GRIK2: variants seen among roughly 807,000 people sequenced by gnomAD.
GRIK2 encodes the protein glutamate receptor ionotropic, kainate 2.
A neutral mutation model predicts 100.3 loss-of-function variants in GRIK2; 32 were observed. The observed-to-expected ratio is 0.32, with a 90% CI of 0.24 to 0.43. The LOEUF is 0.43. Ranked by LOEUF, GRIK2 falls within the 20% of genes least tolerant of loss-of-function variation. The pLI is 1.00. For synonymous variants in GRIK2, 417 were observed against 389.4 expected (o/e 1.07, Z -0.83); for missense variants, 843 against 1,114.9 (o/e 0.76, Z 3.47).
intron 10 of GRIK2, among the ~76,000 whole-genome samples, chr6:101,852,217 A>C (rs958806213): frequency 6.6e-6 from 1 of 152,146 alleles, no homozygotes; most frequent in African/African-American, 2.4e-5. Context: ...GTATTTGAAA[A>C]TCATAACCTA....
chr6:101,835,464 C>CTTTTTTTTTTT (rs764148146), intron 10 of GRIK2, among the ~76,000 whole-genome samples: 1 of 89,020 alleles, frequency 1.1e-5, no homozygotes, highest in Admixed American at 1.4e-4. Context: ...CTATGAGTTC[C>CTTTTTTTTTTT]TTTTTTTTTT....
At chr6:101,612,134 A>G (rs1779706486) in intron 2 of GRIK2, among the ~76,000 whole-genome samples, 1 of 151,858 alleles carries the variant, frequency 6.6e-6, no homozygotes, top group South Asian at 2.1e-4. Context: ...TCACTTGCCA[A>G]CTGTGTAACT....
rs1582598635 is a variant in GRIK2, at chr6:101,949,715, T to C, written c.2085+21083T>C. Among the ~76,000 whole-genome samples, 4 of 152,346 alleles carry C rather than the reference T, an allele frequency of 2.6e-5. 1 individual carries two copies. Among genetic ancestry groups the C allele is most frequent in the Admixed American group, 2.6e-4 (4 of 15,294 alleles). ...TTTTTTATGGCTGCATAGTATTTCA[T>C]GGTGTATATGTGCCACATTTTCTTT... On this transcript the variant is annotated intron_variant, in intron 14 of 16. Transcript: ENST00000369134.
In GRIK2 at chr6:101,646,179, T is replaced by C. The variant is rs1047806896; in HGVS notation, c.541+19542T>C. Among the ~76,000 whole-genome samples the C allele has an allele frequency of 3.9e-5, 6 of 152,046 alleles. No homozygotes were observed. In the East Asian group the frequency reaches 1.2e-3, roughly 29 times the overall value. On this transcript the variant is annotated intron_variant, in intron 4 of 16. Coordinates refer to ENST00000369134, the MANE Select transcript of GRIK2 (RefSeq NM_021956.5). ...CTCACCTCCTGGATCAGGGCATGGC[T>C]TGTAGTAGATGCTTAATGCACATTT...
intron 7 of GRIK2, among the ~76,000 whole-genome samples, chr6:101,700,371 G>A (rs115782760): frequency 0.022 from 3,394 of 151,994 alleles, 116 homozygotes; most frequent in African/African-American, 0.076. Context: ...TGAATCTCAA[G>A]TATAAATATA....
chr6:101,680,687 G>A (rs980048247), intron 5 of GRIK2, among the ~76,000 whole-genome samples: 4 of 152,036 alleles, frequency 2.6e-5, no homozygotes, highest in Non-Finnish European at 5.9e-5. Flanking sequence ...AGTTGATAAA[G>A]TAAAAAAAAT....
intron 7 of GRIK2, among the ~76,000 whole-genome samples, chr6:101,779,028 A>C (rs1008701306): frequency 6.6e-6 from 1 of 152,124 alleles, no homozygotes; most frequent in Non-Finnish European, 1.5e-5. Context: ...TTATATATAT[A>C]AGATCAAAAT....
chr6:101,777,500 T>G (rs1274108497), intron 7 of GRIK2, among the ~76,000 whole-genome samples: 3 of 152,176 alleles, frequency 2.0e-5, no homozygotes, highest in African/African-American at 7.2e-5. Context: ...TTCCTGAAAC[T>G]ATCTGATTTT....
intron 2 of GRIK2, among the ~76,000 whole-genome samples, chr6:101,561,161 G>C (rs896874702): frequency 6.6e-6 from 1 of 152,264 alleles, no homozygotes; most frequent in Non-Finnish European, 1.5e-5. Context: ...GAAGCTATGT[G>C]TTTGATGTTT....
intron 7 of GRIK2, among the ~76,000 whole-genome samples, chr6:101,746,958 A>G (rs1341622113): frequency 1.3e-5 from 2 of 152,176 alleles, no homozygotes; most frequent in African/African-American, 2.4e-5. Context: ...TGTCATATCT[A>G]TTATATTTTT....
chr6:101,970,320 C>A (rs1326667511), intron 14 of GRIK2, among the ~76,000 whole-genome samples: 1 of 151,534 alleles, frequency 6.6e-6, no homozygotes, highest in Non-Finnish European at 1.5e-5. Flanking sequence ...CAGGATGGTT[C>A]TTGCCATCAC....
At chr6:101,536,196 T>C (rs1175889915) in intron 2 of GRIK2, among the ~76,000 whole-genome samples, 2 of 151,756 alleles carry the variant, frequency 1.3e-5, no homozygotes, top group Admixed American at 6.6e-5. Context: ...ATAAAAAGCG[T>C]TCAGGGATGA....
chr6:101,479,203 C>A (rs952604152), intron 2 of GRIK2, among the ~76,000 whole-genome samples: 1 of 152,156 alleles, frequency 6.6e-6, no homozygotes, highest in Non-Finnish European at 1.5e-5. Context: ...ATTTCTTTGA[C>A]GTAATTTTTC....
chr6:101,516,010 G>T (rs570049067), intron 2 of GRIK2, among the ~76,000 whole-genome samples: 53 of 152,120 alleles, frequency 3.5e-4, no homozygotes, highest in African/African-American at 1.2e-3. Context: ...GTCTGCAAGG[G>T]TTTTTTCAAT....
At chr6:101,413,841 CTTTA>C (rs1775989176) in intron 2 of GRIK2, among the ~76,000 whole-genome samples, 1 of 117,528 alleles carries the variant, frequency 8.5e-6, no homozygotes, top group Non-Finnish European at 1.9e-5. Flanking sequence ...ATTTTCAAGT[CTTTA>C]TTTATACAAG....
At chr6:101,474,600 A>G (rs1772130727) in intron 2 of GRIK2, among the ~76,000 whole-genome samples, 1 of 151,790 alleles carries the variant, frequency 6.6e-6, no homozygotes, top group South Asian at 2.1e-4. Flanking sequence ...TTCCTGTAAA[A>G]TCTTATTTCT....
chr6:101,510,962 A>T (rs536209150), intron 2 of GRIK2, among the ~76,000 whole-genome samples: 4 of 152,338 alleles, frequency 2.6e-5, no homozygotes, highest in Admixed American at 2.6e-4. Flanking sequence ...ATGAGATGTT[A>T]TGCTTTTTTA....
intron 4 of GRIK2, among the ~76,000 whole-genome samples, chr6:101,635,832 A>T (rs1780979037): frequency 6.6e-6 from 1 of 152,328 alleles, no homozygotes; most frequent in East Asian, 1.9e-4. Context: ...AATAGCAATC[A>T]TTAAAAAGTC....
At chr6:102,050,063 G>C (rs1481928038) in intron 15 of GRIK2, among the ~76,000 whole-genome samples, 1 of 151,980 alleles carries the variant, frequency 6.6e-6, no homozygotes, top group African/African-American at 2.4e-5. Context: ...ATATTATCTA[G>C]ACGTAATGAA....
Sources: allele counts gnomAD v4.1 joint callset (sites outside exome capture counted in the v4.1 genomes callset), GRCh38; gene constraint gnomAD v4.1.1; transcripts MANE v1.5; gene names NCBI Gene and HGNC (gene_info 2026-07-23, HGNC 2026-07-21).